The following PAX7 variants were observed in gnomAD, a reference collection of about 807,000 sequenced individuals.
PAX7 encodes paired box 7.
A neutral mutation model predicts 50.7 loss-of-function variants in PAX7; 18 were observed. The ratio of observed to expected loss-of-function variants is 0.36; its 90% CI spans 0.25 to 0.53. PAX7 has a LOEUF of 0.53. PAX7 is among the 20% of genes least tolerant of loss of function. The pLI, the probability that PAX7 is intolerant of heterozygous loss-of-function variation, is 0.93. For synonymous variants in PAX7, 310 were observed against 290.4 expected (o/e 1.07, Z -0.69); for missense variants, 644 against 702.9 (o/e 0.92, Z 0.95).
intron 7 of PAX7, among the ~76,000 whole-genome samples, chr1:18,730,078 G>A (rs1319428293): frequency 6.6e-6 from 1 of 152,110 alleles, no homozygotes; most frequent in Non-Finnish European, 1.5e-5. Flanking sequence ...AGGTGAAAAA[G>A]GAAGGGGAGG....
At chr1:18,642,015 T>G (rs1415278832) in intron 4 of PAX7, among the ~76,000 whole-genome samples, 5 of 150,162 alleles carry the variant, frequency 3.3e-5, no homozygotes, top group Non-Finnish European at 7.4e-5. Flanking sequence ...TCAGTGGAAT[T>G]TACATGGAAG....
chr1:18,637,388 T>TA (rs35602078), intron 4 of PAX7, among the ~76,000 whole-genome samples: 84,172 of 151,820 alleles, frequency 0.55, 23,869 homozygotes, highest in African/African-American at 0.64. Flanking sequence ...GACTGACAGT[T>TA]AAAGAAAAGG....
chr1:18,652,227 C>T (rs928438061), intron 4 of PAX7, among the ~76,000 whole-genome samples: 13 of 151,950 alleles, frequency 8.6e-5, no homozygotes, highest in African/African-American at 3.1e-4. Flanking sequence ...CCCTTAACCT[C>T]AACTGGCCCC....
intron 4 of PAX7, among the ~76,000 whole-genome samples, chr1:18,671,231 G>A (rs1421953836): frequency 6.6e-6 from 1 of 152,192 alleles, no homozygotes; most frequent in African/African-American, 2.4e-5. Flanking sequence ...CAAAGAGAGG[G>A]GGCCAGTGAT....
intron 5 of PAX7, among the ~76,000 whole-genome samples, chr1:18,696,708 C>G (rs997400149): frequency 6.6e-6 from 1 of 151,974 alleles, no homozygotes; most frequent in Admixed American, 6.6e-5. Context: ...GGCAATTGAG[C>G]TCATGGAGAT....
chr1:18,686,902 A>ATTT (rs761030675), intron 4 of PAX7, among the ~76,000 whole-genome samples: 24 of 149,060 alleles, frequency 1.6e-4, no homozygotes, highest in African/African-American at 5.4e-4. Context: ...TATTATTATT[A>ATTT]TTTTTTGAGA....
chr1:18,722,488 G>A (rs575472970), intron 7 of PAX7, among the ~76,000 whole-genome samples: 3 of 152,274 alleles, frequency 2.0e-5, no homozygotes, highest in East Asian at 1.9e-4. Flanking sequence ...TTTATCAAAT[G>A]GGGATTCACA....
At chr1:18,698,358 T>C (rs2089175196) in intron 5 of PAX7, among the ~76,000 whole-genome samples, 1 of 151,786 alleles carries the variant, frequency 6.6e-6, no homozygotes, top group South Asian at 2.1e-4. Flanking sequence ...AAATGTCACC[T>C]GCAAACGCCT....
At chr1:18,679,112 T>C (rs532082707) in intron 4 of PAX7, among the ~76,000 whole-genome samples, 2 of 152,350 alleles carry the variant, frequency 1.3e-5, no homozygotes, top group East Asian at 3.9e-4. Flanking sequence ...TTCTTCTCTG[T>C]GGCCTTCACA....
chr1:18,642,026 G>C (rs2088264381), intron 4 of PAX7, among the ~76,000 whole-genome samples: 1 of 150,072 alleles, frequency 6.7e-6, no homozygotes, highest in Non-Finnish European at 1.5e-5. Context: ...TACATGGAAG[G>C]ATTTAAAAGC....
intron 7 of PAX7, among the ~76,000 whole-genome samples, chr1:18,721,236 G>A (rs1379880560): frequency 6.6e-6 from 1 of 152,184 alleles, no homozygotes; most frequent in Non-Finnish European, 1.5e-5. Flanking sequence ...AGAGCGCTCA[G>A]AGCCCAGGGT....
rs1931556139 is a variant in PAX7, at chr1:18,748,795, C to T, written c.*3866C>T. The stretch of plus-strand genomic sequence containing the variant: ...AAAGAGAAACTGGTATTTGCTTTAA[C>T]TACCTGCTGCTTGTAAGCGCTTCCT... On this transcript the variant is annotated 3_prime_UTR_variant, in exon 9 of 9. Transcript: ENST00000420770. 4.6e-6 allele frequency: 1 copy of T among 219,594 alleles called. No individual in the cohort carries two copies. The highest frequency in any genetic ancestry group is 9.1e-6 in the Non-Finnish European group (1 of 109,454). 13.6% of individuals were successfully genotyped at this position (219,594 alleles called of 1,614,324 possible).
At chr1:18,644,123 G>C (rs987690154) in intron 4 of PAX7, among the ~76,000 whole-genome samples, 3 of 152,260 alleles carry the variant, frequency 2.0e-5, no homozygotes, top group African/African-American at 4.8e-5. Flanking sequence ...ACTGGAGGGC[G>C]AGTAATGGGG....
chr1:18,744,737 G>C (rs1159678916), intron 8 of PAX7, 77 bp from the exon 9 acceptor site: 4 of 753,516 alleles, frequency 5.3e-6, no homozygotes, highest in Non-Finnish European at 9.4e-6. Context: ...TGGATGGATG[G>C]ATGGGTGTAG....
chr1:18,677,000 G>T lies in PAX7; in HGVS notation c.587-14754G>T, dbSNP rs576787493. Among the ~76,000 whole-genome samples the T allele has an allele frequency of 2.6e-5, 4 of 152,304 alleles. No individual in the cohort carries two copies. In the East Asian group the frequency reaches 5.8e-4, roughly 22 times the overall value. On this transcript the variant is annotated intron_variant, in intron 4 of 8. Coordinates refer to ENST00000420770, the MANE Select transcript of PAX7 (RefSeq NM_001135254.2). ...CAGGGTTTCAACCCCAAGCCCCCTC[G>T]TCTTTACAGCCAGCCCACGGGCTCC...
At chr1:18,740,466 G>T (rs192610937) in intron 8 of PAX7, among the ~76,000 whole-genome samples, 107 of 152,158 alleles carry the variant, frequency 7.0e-4, no homozygotes, top group African/African-American at 2.5e-3. Flanking sequence ...CTGGGCCAGC[G>T]ACCTCTCCGT....
intron 7 of PAX7, among the ~76,000 whole-genome samples, chr1:18,711,811 G>C (rs2089355123): frequency 6.6e-6 from 1 of 152,172 alleles, no homozygotes; most frequent in Non-Finnish European, 1.5e-5. Context: ...TCAGGGGTCA[G>C]TTTGTGGAGT....
At chr1:18,639,394 TA>T (rs2088211792) in intron 4 of PAX7, among the ~76,000 whole-genome samples, 1 of 94,176 alleles carries the variant, frequency 1.1e-5, no homozygotes, top group South Asian at 2.6e-4. Flanking sequence ...AGGCTGTTCA[TA>T]TTTTTTTTTT....
chr1:18,667,714 A>G (rs1329182499), intron 4 of PAX7, among the ~76,000 whole-genome samples: 1 of 152,054 alleles, frequency 6.6e-6, no homozygotes, highest in Non-Finnish European at 1.5e-5. Flanking sequence ...AGTCAGGGAT[A>G]TGGTGTCAAT....
Sources: allele counts gnomAD v4.1 joint callset (sites outside exome capture counted in the v4.1 genomes callset), GRCh38; gene constraint gnomAD v4.1.1; transcripts MANE v1.5; gene names NCBI Gene and HGNC (gene_info 2026-07-23, HGNC 2026-07-21).